DLC1: variants seen among roughly 807,000 people sequenced by gnomAD.
The protein encoded by DLC1 is DLC1 Rho GTPase activating protein.
A neutral mutation model predicts 140.3 loss-of-function variants in DLC1; 54 were observed. The ratio of observed to expected loss-of-function variants is 0.38; its 90% CI spans 0.31 to 0.48. The LOEUF is 0.48. DLC1 is among the 20% of genes least tolerant of loss of function. DLC1 has a pLI of 0.96. For synonymous variants in DLC1, 986 were observed against 728.1 expected (o/e 1.35, Z -5.70); for missense variants, 2,536 against 1,907.0 (o/e 1.33, Z -6.14).
At chr8:13,094,694 C>T in intron 12 of DLC1, 65 bp downstream of exon 12, 1 of 1,587,906 alleles carries the variant, frequency 6.3e-7, no homozygotes, top group Non-Finnish European at 8.6e-7. Context: ...ATCAAGGAAG[C>T]TACAAGCTTC....
At position 13,319,821 on chromosome 8, in the gene DLC1, C is replaced by CTTTTTT. The variant is rs57585674; in HGVS notation, c.1315-14525_1315-14520dup. ...AACCATTGTTTAATTCTCTCTCTCTCTTTTTTTTTTTTTTTTTTTGAGATG... is the reference window on the plus strand; with the variant it reads ...AACCATTGTTTAATTCTCTCTCTCTCTTTTTTTTTTTTTTTTTTTTTTTTTGAGATG... On this transcript the variant is annotated intron_variant, in intron 4 of 17. Transcript: ENST00000276297. Among the ~76,000 whole-genome samples, 85 of 88,988 alleles carry CTTTTTT rather than the reference C, an allele frequency of 9.6e-4. 3 individuals are homozygous for CTTTTTT. The highest frequency in any genetic ancestry group is 3.0e-3 in the African/African-American group (67 of 21,984). 58.4% of individuals were successfully genotyped at this position (88,988 alleles called of 152,430 possible).
At chr8:13,216,836 C>G (rs772461251) in intron 5 of DLC1, among the ~76,000 whole-genome samples, 3 of 152,048 alleles carry the variant, frequency 2.0e-5, no homozygotes, top group Non-Finnish European at 4.4e-5. Context: ...TAGACATTGC[C>G]AAATGTTCCA....
intron 2 of DLC1, among the ~76,000 whole-genome samples, chr8:13,492,905 G>A (rs1028609454): frequency 1.4e-4 from 21 of 152,254 alleles, no homozygotes; most frequent in Middle Eastern, 6.8e-3. Context: ...CAAAAACCAG[G>A]TTAAATGGCA....
intron 2 of DLC1, among the ~76,000 whole-genome samples, chr8:13,453,456 A>G (rs971007974): frequency 2.9e-5 from 1 of 35,014 alleles, no homozygotes; most frequent in Non-Finnish European, 5.1e-5. Flanking sequence ...ATACATATAT[A>G]TATGTATATA....
intron 4 of DLC1, among the ~76,000 whole-genome samples, chr8:13,312,106 A>G (rs866765624): frequency 2.3e-5 from 3 of 130,662 alleles, no homozygotes; most frequent in Non-Finnish European, 3.4e-5. Context: ...TCACGCCTGT[A>G]ATCCCAGCAC....
At chr8:13,134,364 T>A (rs1220795754) in intron 5 of DLC1, among the ~76,000 whole-genome samples, 1 of 152,208 alleles carries the variant, frequency 6.6e-6, no homozygotes, top group Non-Finnish European at 1.5e-5. Context: ...AGCTGTAGAC[T>A]GGGAGATACA....
At chr8:13,302,294 G>A (rs1188290) in intron 5 of DLC1, among the ~76,000 whole-genome samples, 150,657 of 152,336 alleles carry the variant, frequency 0.99, 74,517 homozygotes, top group Middle Eastern at 1. Context: ...GCCATGCCTT[G>A]TTCATAACTG....
chr8:13,130,079 T>G (rs1242737922), intron 5 of DLC1, among the ~76,000 whole-genome samples: 1 of 152,218 alleles, frequency 6.6e-6, no homozygotes, highest in Non-Finnish European at 1.5e-5. Flanking sequence ...CCCACTCTTC[T>G]GGACCAAATC....
At chr8:13,453,451 TATATATATGTATATATATAC>T (rs1563360173) in intron 2 of DLC1, among the ~76,000 whole-genome samples, 36 of 34,906 alleles carry the variant, frequency 1.0e-3, no homozygotes, top group Non-Finnish European at 1.6e-3. Flanking sequence ...TATATATACA[TATATATATGTATATATATAC>T]ATATATATGT....
chr8:13,161,523 T>C (rs528023935), intron 5 of DLC1, among the ~76,000 whole-genome samples: 1 of 152,232 alleles, frequency 6.6e-6, no homozygotes, highest in South Asian at 2.1e-4. Context: ...TACTTTTTGG[T>C]TGAGACAGGT....
chr8:13,531,450 G>T (rs1354657337), intron 1 of DLC1, among the ~76,000 whole-genome samples: 1 of 152,108 alleles, frequency 6.6e-6, no homozygotes, highest in African/African-American at 2.4e-5. Context: ...GCTGAGCATG[G>T]TGATGGGGGC....
chr8:13,091,520 G>A, intron 13 of DLC1, 88 bp from the exon 14 acceptor site: 11 of 1,222,686 alleles, frequency 9.0e-6, no homozygotes, highest in Middle Eastern at 2.3e-4. Context: ...AAAGAAGAGA[G>A]AAAAAAAAAT....
At chr8:13,278,507 G>C (rs1459172399) in intron 5 of DLC1, among the ~76,000 whole-genome samples, 2 of 152,140 alleles carry the variant, frequency 1.3e-5, no homozygotes, top group Admixed American at 1.3e-4. Flanking sequence ...ATATCACATC[G>C]ACCAAAAGTG....
chr8:13,224,226 G>C (rs1191753990), intron 5 of DLC1, among the ~76,000 whole-genome samples: 1 of 152,174 alleles, frequency 6.6e-6, no homozygotes, highest in Admixed American at 6.5e-5. Context: ...AAAATTGTTT[G>C]CTGTATAAAG....
intron 1 of DLC1, among the ~76,000 whole-genome samples, chr8:13,551,075 C>CACATT (rs71207163): frequency 8.2e-6 from 1 of 121,718 alleles, no homozygotes; most frequent in Admixed American, 9.0e-5. Context: ...CACACACACA[C>CACATT]TTTTTTTTTT....
At chr8:13,112,652 G>A (rs988902175) in intron 6 of DLC1, among the ~76,000 whole-genome samples, 1 of 152,216 alleles carries the variant, frequency 6.6e-6, no homozygotes, top group Non-Finnish European at 1.5e-5. Flanking sequence ...GTAAATGAGG[G>A]AAGACAGGTT....
intron 5 of DLC1, among the ~76,000 whole-genome samples, chr8:13,291,547 T>A (rs1831757388): frequency 6.6e-6 from 1 of 152,194 alleles, no homozygotes; most frequent in Admixed American, 6.5e-5. Context: ...TTCTAAAATA[T>A]AAATTCATAG....
intron 2 of DLC1, among the ~76,000 whole-genome samples, chr8:13,477,485 C>G (rs565766046): frequency 6.6e-6 from 1 of 152,104 alleles, no homozygotes; most frequent in Non-Finnish European, 1.5e-5. Context: ...TTAACAAGGA[C>G]TAATCGCAGA....
intron 6 of DLC1, among the ~76,000 whole-genome samples, chr8:13,113,578 T>C (rs1008329188): frequency 6.6e-6 from 1 of 152,180 alleles, no homozygotes; most frequent in Non-Finnish European, 1.5e-5. Context: ...ACGAGCATAA[T>C]TGAAGAAAAC....
Sources: gnomAD v4.1 joint callset for allele counts (sites outside exome capture counted in the v4.1 genomes callset) on GRCh38, gnomAD v4.1.1 for gene constraint, MANE v1.5 for transcripts, NCBI Gene and HGNC (gene_info 2026-07-23, HGNC 2026-07-21) for gene names.